MORC3: variants seen among roughly 807,000 people sequenced by gnomAD.
MORC3 encodes MORC family CW-type zinc finger protein 3.
MORC3 carries 31 observed loss-of-function variants against 109.1 expected under a neutral mutation model. The observed-to-expected ratio is 0.28, with a 90% CI of 0.21 to 0.38. The LOEUF (loss-of-function observed/expected upper bound fraction) is 0.38. Ranked by LOEUF, MORC3 falls within the 10% of genes least tolerant of loss-of-function variation. The pLI, the probability that MORC3 is intolerant of heterozygous loss-of-function variation, is 1.00. For missense variants in MORC3, 867 were observed against 1,135.8 expected, an observed-to-expected ratio of 0.76 and a Z score of 3.40; for synonymous variants, 395 against 380.7, an observed-to-expected ratio of 1.04 and a Z score of -0.44.
chr21:36,342,023 C>G (rs1017375460), intron 6 of MORC3, among the ~76,000 whole-genome samples: 1 of 152,104 alleles, frequency 6.6e-6, no homozygotes, highest in Non-Finnish European at 1.5e-5. Flanking sequence ...GTCAGGAGTT[C>G]AAGACCAGCC....
chr21:36,369,034 A>T lies in MORC3; in HGVS notation c.1666A>T (p.Asn556Tyr), dbSNP rs1482112397. 2 of 1,613,312 alleles carry T rather than the reference A, an allele frequency of 1.2e-6. No individual in the cohort carries two copies. The highest frequency in any genetic ancestry group is 1.7e-6 in the Non-Finnish European group (2 of 1,179,534). The part of the protein sequence containing the change: ...STRSSILNAK[N>Y]RRLSSQFENS... ...TCGTTCCTCAATTTTGAATGCAAAG[A>T]ATCGGAGATTGAGTAGTCAGTTTGA... The change falls in exon 15 of 17, where the codon AAT becomes TAT. Residue 556 changes from asparagine to tyrosine, a missense_variant. Asn to Tyr is a moderately radical substitution (Grantham distance 143, BLOSUM62 -2). Transcript: ENST00000400485.
intron 5 of MORC3, among the ~76,000 whole-genome samples, chr21:36,340,526 T>A (rs1463492507): frequency 2.6e-5 from 4 of 152,130 alleles, no homozygotes. Flanking sequence ...CCTTTTGGAT[T>A]TGACTTTTTT....
chr21:36,372,659 C>T, intron 16 of MORC3, 128 bp downstream of exon 16: 1 of 940,622 alleles, frequency 1.1e-6, no homozygotes, highest in Non-Finnish European at 1.5e-6. Context: ...TGCTGTGACC[C>T]TGGTGTTATG....
intron 14 of MORC3, among the ~76,000 whole-genome samples, chr21:36,365,819 T>C (rs2085774676): frequency 6.6e-6 from 1 of 152,234 alleles, no homozygotes; most frequent in South Asian, 2.1e-4. Context: ...TGACCTCAGG[T>C]GATCCGCCCG....
chr21:36,357,476 C>G (rs2085657816), intron 10 of MORC3, among the ~76,000 whole-genome samples: 3 of 152,090 alleles, frequency 2.0e-5, no homozygotes, highest in East Asian at 3.9e-4. Context: ...CCAGGCTGGT[C>G]TCAATGTCCT....
In MORC3 at chr21:36,364,276, G is replaced by C; in HGVS notation, c.1619+17G>C. On this transcript the variant is annotated intron_variant, in intron 14 of 16. Coordinates refer to ENST00000400485, the MANE Select transcript of MORC3 (RefSeq NM_015358.3). ...GAGCAACAGGTCAGTGGCTAAGATTGGTTTTCCATTTGGGGAATATTAAAC... is the reference window on the plus strand; with the variant it reads ...GAGCAACAGGTCAGTGGCTAAGATTCGTTTTCCATTTGGGGAATATTAAAC... 4 of 1,609,322 alleles carry C rather than the reference G, an allele frequency of 2.5e-6. No individual in the cohort carries two copies. The highest frequency in any genetic ancestry group is 2.5e-6 in the Non-Finnish European group (3 of 1,178,308).
At chr21:36,333,080 C>T (rs2085334263) in intron 1 of MORC3, among the ~76,000 whole-genome samples, 1 of 152,164 alleles carries the variant, frequency 6.6e-6, no homozygotes, top group Admixed American at 6.6e-5. Context: ...AGCCACTGCG[C>T]CCGGCCAACA....
At chr21:36,368,922 A>G in intron 14 of MORC3, 66 bp from the exon 15 acceptor site, 1 of 1,347,652 alleles carries the variant, frequency 7.4e-7, no homozygotes, top group South Asian at 1.5e-5. Flanking sequence ...TAGAATGATT[A>G]CTTCAAGGTC....
chr21:36,345,174 T>C, intron 8 of MORC3, 143 bp downstream of exon 8: 1 of 883,610 alleles, frequency 1.1e-6, no homozygotes, highest in Non-Finnish European at 1.7e-6. Flanking sequence ...AAAATAACAC[T>C]GTGGTATTTG....
intron 4 of MORC3, 79 bp from the exon 5 acceptor site, chr21:36,338,691 GTTAT>G (rs2085401440): frequency 1.6e-6 from 2 of 1,284,026 alleles, no homozygotes; most frequent in South Asian, 1.6e-5. Context: ...TAGTTTTTCT[GTTAT>G]TTAAGTTTAT....
At chr21:36,360,124 G>C in intron 11 of MORC3, 47 bp downstream of exon 11, 1 of 1,614,050 alleles carries the variant, frequency 6.2e-7, no homozygotes, top group Non-Finnish European at 8.5e-7. Flanking sequence ...GGAAAGTACT[G>C]TTCACAGTGT....
intron 1 of MORC3, among the ~76,000 whole-genome samples, chr21:36,321,832 T>C (rs2085197767): frequency 6.6e-6 from 1 of 152,146 alleles, no homozygotes; most frequent in South Asian, 2.1e-4. Context: ...TTGATTCTCT[T>C]CTCCCTTCCC....
intron 1 of MORC3, among the ~76,000 whole-genome samples, chr21:36,323,757 A>G (rs182678443): frequency 1.3e-5 from 2 of 152,240 alleles, no homozygotes; most frequent in Admixed American, 1.3e-4. Flanking sequence ...CATCTGGAAA[A>G]TGTTCTTACT....
intron 1 of MORC3, among the ~76,000 whole-genome samples, chr21:36,328,229 A>G (rs1394902998): frequency 4.0e-5 from 6 of 151,172 alleles, no homozygotes; most frequent in Non-Finnish European, 5.9e-5. Flanking sequence ...TCAAAAATGT[A>G]TATTTGTTCT....
intron 1 of MORC3, among the ~76,000 whole-genome samples, chr21:36,326,516 C>T (rs866429720): frequency 1.3e-5 from 2 of 152,156 alleles, no homozygotes; most frequent in Admixed American, 6.5e-5. Flanking sequence ...AAGACTCCAT[C>T]TCTATATAAA....
rs373522065 is a variant in MORC3, at chr21:36,356,570, AT to A, written c.1104-47del. 6.5e-4 allele frequency: 788 copies of A among 1,211,692 alleles called. 5 individuals are homozygous for A. In the African/African-American group the frequency reaches 0.012, roughly 18 times the overall value. The allele number at this position is 1,211,692 out of a possible 1,614,324, so 75.1% of individuals were successfully genotyped here. A position where few individuals can be genotyped will look rare whatever the true frequency, so the allele number is the denominator to read the frequency against. ...TGTACTCATTACTAGATTATTTATG[AT>A]TTATGTTTGAAAAGAATTTTTTCTT... On this transcript the variant is annotated intron_variant, in intron 9 of 16. Transcript: ENST00000400485.
At chr21:36,360,145 G>T (rs376510722) in intron 11 of MORC3, 39 bp from the exon 12 acceptor site, 2 of 1,613,746 alleles carry the variant, frequency 1.2e-6, no homozygotes, top group Non-Finnish European at 1.7e-6. Flanking sequence ...ATGAATAGGC[G>T]CTGGTGACAT....
chr21:36,348,329 A>C (rs2085534202), intron 8 of MORC3: 1 of 152,252 alleles, frequency 6.6e-6, no homozygotes, highest in Non-Finnish European at 1.5e-5. Flanking sequence ...GCTAGTCACT[A>C]CAAGATCAGG....
intron 1 of MORC3, among the ~76,000 whole-genome samples, chr21:36,322,857 C>T (rs1319154573): frequency 6.6e-6 from 1 of 151,820 alleles, no homozygotes; most frequent in Non-Finnish European, 1.5e-5. Context: ...TTAGCTGATG[C>T]ACACTCTTCA....
Sources: gnomAD v4.1 joint callset for allele counts (sites outside exome capture counted in the v4.1 genomes callset) on GRCh38, gnomAD v4.1.1 for gene constraint, MANE v1.5 for transcripts, NCBI Gene and HGNC (gene_info 2026-07-23, HGNC 2026-07-21) for gene names.